NF1: variants seen among roughly 807,000 people sequenced by gnomAD.
NF1 encodes the protein neurofibromin 1, also known as neurofibromin.
NF1 carries 122 observed loss-of-function variants against 325.7 expected under a neutral mutation model. That is an observed-to-expected ratio of 0.37 (90% CI 0.32 to 0.44). The LOEUF (loss-of-function observed/expected upper bound fraction) is 0.44, where lower values mean the gene tolerates loss of function less well. NF1 is among the 20% of genes least tolerant of loss of function. NF1 has a pLI of 1.00. For synonymous variants in NF1, 1,091 were observed against 1,186.0 expected, an observed-to-expected ratio of 0.92 and a Z score of 1.65; for missense variants, 2,140 against 3,415.4, an observed-to-expected ratio of 0.63 and a Z score of 9.31.
chr17:31,149,831 TGCC>T (rs754185787), intron 1 of NF1, among the ~76,000 whole-genome samples: 16 of 152,150 alleles, frequency 1.1e-4, no homozygotes, highest in Admixed American at 2.0e-4. Flanking sequence ...GGGAAGCTCT[TGCC>T]ATGTAAGGTT....
At chr17:31,150,574 A>G (rs1916860294) in intron 1 of NF1, among the ~76,000 whole-genome samples, 1 of 152,166 alleles carries the variant, frequency 6.6e-6, no homozygotes, top group South Asian at 2.1e-4. Flanking sequence ...CTCTCAGTTA[A>G]TAACAAGACA....
intron 36 of NF1, among the ~76,000 whole-genome samples, chr17:31,282,473 A>C (rs1331419369): frequency 6.6e-6 from 1 of 151,994 alleles, no homozygotes; most frequent in African/African-American, 2.4e-5. Context: ...ATCACTCCAA[A>C]AAGAAACCTC....
Position 31,232,069 on chromosome 17 carries a change from T to TTC in NF1, c.3198-4_3198-3insTC, listed in dbSNP as rs864622717. On this transcript the variant is annotated splice_polypyrimidine_tract_variant and splice_region_variant and intron_variant, in intron 24 of 57. Coordinates refer to ENST00000358273, the MANE Select transcript of NF1 (RefSeq NM_001042492.3). The stretch of plus-strand genomic sequence containing the variant: ...TTTTTTTTTTTTTTTTTTTTTTTTT[T>TTC]CAGAGATTTGGACCAGGCAAGCATG... 2.6e-5 allele frequency: 34 copies of TTC among 1,307,308 alleles called. 1 individual carries two copies. In the African/African-American group the frequency reaches 3.4e-4, roughly 13 times the overall value. 81.0% of individuals were successfully genotyped at this position (1,307,308 alleles called of 1,614,324 possible).
chr17:31,117,779 A>G (rs1238151785), intron 1 of NF1, among the ~76,000 whole-genome samples: 1 of 151,314 alleles, frequency 6.6e-6, no homozygotes, highest in East Asian at 1.9e-4. Context: ...AAAATCTTCC[A>G]TGCTCTTGAA....
chr17:31,266,584 C>T (rs1839778428), intron 36 of NF1, among the ~76,000 whole-genome samples: 1 of 152,160 alleles, frequency 6.6e-6, no homozygotes, highest in Admixed American at 6.5e-5. Flanking sequence ...ATTCTAACCC[C>T]AACCTTTAAT....
chr17:31,177,565 C>A (rs1399172015), intron 5 of NF1, among the ~76,000 whole-genome samples: 1 of 151,912 alleles, frequency 6.6e-6, no homozygotes. Context: ...TAATAACAAA[C>A]TCCTCCAAGC....
intron 15 of NF1, 49 bp from the exon 16 acceptor site, chr17:31,223,395 C>A (rs1169343225): frequency 9.4e-6 from 15 of 1,600,998 alleles, no homozygotes; most frequent in African/African-American, 1.3e-5. Context: ...GTTATATCTG[C>A]ATTAGGTTAT....
intron 57 of NF1, among the ~76,000 whole-genome samples, chr17:31,362,136 C>T (rs1040427308): frequency 1.3e-5 from 2 of 152,158 alleles, no homozygotes; most frequent in Non-Finnish European, 2.9e-5. Flanking sequence ...AGAGCCCAGC[C>T]AGCAGTCAGT....
intron 57 of NF1, among the ~76,000 whole-genome samples, chr17:31,370,451 T>A (rs1567632958): frequency 6.6e-6 from 1 of 152,182 alleles, no homozygotes; most frequent in Admixed American, 6.5e-5. Flanking sequence ...GAGGTCATAG[T>A]ATGTGAACAA....
chr17:31,207,325 T>TC (rs1005097089), intron 12 of NF1, among the ~76,000 whole-genome samples: 2 of 152,184 alleles, frequency 1.3e-5, no homozygotes, highest in Non-Finnish European at 2.9e-5. Flanking sequence ...CTGTTGGTTT[T>TC]ATCTAGTAAG....
At chr17:31,345,660 A>G (rs1428197267) in intron 48 of NF1, 10 of 1,614,240 alleles carry the variant, frequency 6.2e-6, no homozygotes, top group South Asian at 1.1e-5. Flanking sequence ...CAAGGCCAGC[A>G]CCGAAGTTGG....
intron 46 of NF1, 25 bp from the exon 47 acceptor site, chr17:31,340,480 G>C (rs747379037): frequency 6.2e-7 from 1 of 1,614,052 alleles, no homozygotes; most frequent in Admixed American, 1.7e-5. Context: ...CATCTTACTA[G>C]CCTCAAACAT....
intron 1 of NF1, among the ~76,000 whole-genome samples, chr17:31,098,672 G>T (rs1157668669): frequency 1.8e-4 from 27 of 152,160 alleles, no homozygotes; most frequent in Admixed American, 1.8e-3. Context: ...GGCGGCTCAC[G>T]CCTGTGATCC....
At chr17:31,135,357 T>C (rs768539812) in intron 1 of NF1, among the ~76,000 whole-genome samples, 33 of 152,202 alleles carry the variant, frequency 2.2e-4, no homozygotes, top group Non-Finnish European at 4.3e-4. Context: ...TTCTCTTGTT[T>C]CTATTTGCCT....
At chr17:31,098,524 C>T (rs1310802793) in intron 1 of NF1, among the ~76,000 whole-genome samples, 1 of 152,100 alleles carries the variant, frequency 6.6e-6, no homozygotes, top group Non-Finnish European at 1.5e-5. Context: ...GCCACCACTC[C>T]TGGATAACAT....
At chr17:31,312,259 C>T (rs2068895635) in intron 36 of NF1, among the ~76,000 whole-genome samples, 1 of 151,998 alleles carries the variant, frequency 6.6e-6, no homozygotes, top group Non-Finnish European at 1.5e-5. Flanking sequence ...CCTGTAATCC[C>T]AGCACTTTGG....
chr17:31,211,236 G>A (rs2066723332), intron 12 of NF1, among the ~76,000 whole-genome samples: 1 of 152,186 alleles, frequency 6.6e-6, no homozygotes, highest in African/African-American at 2.4e-5. Flanking sequence ...CAATATAGAA[G>A]ATCAACTAAT....
rs876658562 is a variant in NF1 at position 31,327,559 on chromosome 17, G to T, written c.5329G>T (p.Val1777Phe). Residue 1777 changes from valine to phenylalanine, a missense_variant, in exon 38 of 58, where the codon GTC becomes TTC. This residue lies in a region of NF1 where 147 missense variants were observed against 186.7 expected (regional missense o/e 0.79). Coordinates refer to ENST00000358273, the MANE Select transcript of NF1 (RefSeq NM_001042492.3). ...AERTKVLGQS[V>F]FLNDIYYASE... Reference sequence around the variant, plus strand: ...GCGAACAAAAGTCCTAGGGCAATCAGTCTTTCTAAATGACATTTATTATGC... The same window carrying T: ...GCGAACAAAAGTCCTAGGGCAATCATTCTTTCTAAATGACATTTATTATGC... 6.2e-7 allele frequency: 1 copy of T among 1,614,188 alleles called. No individual in the cohort carries two copies. Among genetic ancestry groups the T allele is most frequent in the Non-Finnish European group, 8.5e-7 (1 of 1,180,032 alleles).
At chr17:31,325,380 G>C (rs2069315183) in intron 36 of NF1, among the ~76,000 whole-genome samples, 1 of 152,142 alleles carries the variant, frequency 6.6e-6, no homozygotes, top group Non-Finnish European at 1.5e-5. Context: ...GGGCCTCTTT[G>C]GCCCTGGTTG....
Sources: allele counts gnomAD v4.1 joint callset (sites outside exome capture counted in the v4.1 genomes callset), GRCh38; gene constraint gnomAD v4.1.1; regional missense constraint gnomAD v4.1.1; transcripts MANE v1.5; gene names NCBI Gene and HGNC (gene_info 2026-07-23, HGNC 2026-07-21).